Variants in PDK3 observed in about 807,000 individuals in gnomAD.
PDK3 encodes the protein pyruvate dehydrogenase kinase 3.
A neutral mutation model predicts 32.0 loss-of-function variants in PDK3; 12 were observed. The ratio of observed to expected loss-of-function variants is 0.37; its 90% confidence interval spans 0.24 to 0.61. The LOEUF (loss-of-function observed/expected upper bound fraction) is 0.61. Ranked by LOEUF, PDK3 falls within the 20% of genes least tolerant of loss-of-function variation. The pLI, the probability that PDK3 is intolerant of heterozygous loss-of-function variation, is 0.65. For missense variants in PDK3, 188 were observed against 316.9 expected, an observed-to-expected ratio of 0.59 and a Z score of 3.09; for synonymous variants, 122 against 116.3, an observed-to-expected ratio of 1.05 and a Z score of -0.31.
Position 24,527,588 on chromosome X carries a change from G to T in PDK3, c.765G>T (p.Ala255=), listed in dbSNP as rs1277836754. The T allele has an allele frequency of 1.0e-5, 12 of 1,162,196 alleles. No homozygotes were observed. The East Asian group carries it at 3.6e-4, about 35-fold the overall frequency. Residue 255 remains alanine, a synonymous_variant, in exon 8 of 11, where the codon GCG becomes GCT. Coordinates refer to ENST00000379162, the MANE Select transcript of PDK3 (RefSeq NM_005391.5). ...LFELFKNSMR[A]TVELYEDRKE... is the part of the protein sequence containing the mutation. Reference sequence around the variant, plus strand: ...TATTATTTTAGAACTCAATGAGAGCGACAGTTGAACTCTATGAAGACAGAA... The same window carrying T: ...TATTATTTTAGAACTCAATGAGAGCTACAGTTGAACTCTATGAAGACAGAA...
At chrX:24,469,414 A>G (rs988131339) in intron 1 of PDK3, among the ~76,000 whole-genome samples, 21 of 111,018 alleles carry the variant, frequency 1.9e-4, no homozygotes, top group African/African-American at 6.6e-4. Flanking sequence ...GATAGGTAAA[A>G]AAAAAATGAT....
chrX:24,477,838 G>A (rs188788749), intron 1 of PDK3, among the ~76,000 whole-genome samples: 2 of 111,554 alleles, frequency 1.8e-5, no homozygotes, highest in East Asian at 2.8e-4. Flanking sequence ...TATCTTGGCC[G>A]TTTCTCTTTG....
At chrX:24,474,378 G>GTTTAT (rs1048484920) in intron 1 of PDK3, among the ~76,000 whole-genome samples, 1 of 96,079 alleles carries the variant, frequency 1.0e-5, no homozygotes, top group Non-Finnish European at 2.1e-5. Context: ...AGTTATATAA[G>GTTTAT]TTTATTTTAT....
chrX:24,542,685 G>A lies in PDK3; in HGVS notation c.*3521G>A, dbSNP rs146467322. The stretch of plus-strand genomic sequence containing the variant: ...TGGCAGCTTTTACCAAAAATGACAG[G>A]CAACTTAAAGTGGATAGCTGTAGGT... On this transcript the variant is annotated 3_prime_UTR_variant, in exon 12 of 12. Transcript: ENST00000568479. Among the ~76,000 whole-genome samples the A allele has an allele frequency of 6.9e-3, 771 of 112,411 alleles. 4 individuals carry two copies. The highest frequency in any genetic ancestry group is 0.012 in the Non-Finnish European group (663 of 53,261).
rs756879455 is a variant in PDK3 at position 24,503,480 on chromosome X, C to T, written c.474C>T (p.Arg158=). Residue 158 remains arginine (R), a synonymous_variant, in exon 4 of 11, where the codon CGC becomes CGT. Coordinates refer to ENST00000379162, the MANE Select transcript of PDK3 (RefSeq NM_005391.5). Reference sequence around the variant, plus strand: ...TTCTGGATCGGTTTTATACCAACCGCATCTCTTTCCGCATGCTTATTAATC... The same window carrying T: ...TTCTGGATCGGTTTTATACCAACCGTATCTCTTTCCGCATGCTTATTAATC... The part of the protein sequence containing the change: ...QYFLDRFYTN[R]ISFRMLINQH... The T allele has an allele frequency of 5.0e-6, 6 of 1,198,191 alleles. No homozygotes were observed. The highest frequency in any genetic ancestry group is 2.3e-4 in the Middle Eastern group (1 of 4,318).
chrX:24,526,421 A>G, intron 7 of PDK3, 147 bp downstream of exon 7: 1 of 424,851 alleles, frequency 2.4e-6, no homozygotes, highest in Non-Finnish European at 4.1e-6. Flanking sequence ...TGGGTTTTAT[A>G]ATTTGTACAC....
At chrX:24,519,334 A>G (rs929605459) in intron 6 of PDK3, among the ~76,000 whole-genome samples, 1 of 109,544 alleles carries the variant, frequency 9.1e-6, no homozygotes, top group African/African-American at 3.3e-5. Flanking sequence ...TTCACTAATC[A>G]AGGAAGTGCA....
At chrX:24,531,150 C>T (rs1922640393) in intron 9 of PDK3, among the ~76,000 whole-genome samples, 1 of 109,979 alleles carries the variant, frequency 9.1e-6, no homozygotes, top group African/African-American at 3.3e-5. Context: ...ACTGCAACCT[C>T]CACCTCCTGG....
At position 24,490,483 on chromosome X, in the gene PDK3, C is replaced by G. The variant is rs142349348; in HGVS notation, c.107-4259C>G. ...CTTTGTCATCAACGCCCCGCAGGAC[C>G]ATAAGCTTTTCTCTGAATCCTGAAC... is the stretch of plus-strand genomic sequence containing the variant. On this transcript the variant is annotated intron_variant, in intron 1 of 10. Coordinates refer to ENST00000379162, the MANE Select transcript of PDK3 (RefSeq NM_005391.5). Among the ~76,000 whole-genome samples the G allele has an allele frequency of 2.2e-3, 245 of 111,655 alleles. 2 individuals are homozygous for G. The highest frequency in any genetic ancestry group is 7.6e-3 in the African/African-American group (234 of 30,680).
At chrX:24,476,808 T>C (rs1393174423) in intron 1 of PDK3, among the ~76,000 whole-genome samples, 2 of 112,392 alleles carry the variant, frequency 1.8e-5, no homozygotes, top group Non-Finnish European at 3.8e-5. Context: ...ATTCATCACA[T>C]ATTGTTTGTG....
intron 1 of PDK3, among the ~76,000 whole-genome samples, chrX:24,492,461 C>T (rs910904094): frequency 1.2e-4 from 13 of 110,438 alleles, no homozygotes; most frequent in Non-Finnish European, 2.5e-4. Flanking sequence ...TTGTGACGGG[C>T]GCCTGTAATC....
At chrX:24,496,513 T>C (rs1921704911) in intron 2 of PDK3, among the ~76,000 whole-genome samples, 1 of 107,379 alleles carries the variant, frequency 9.3e-6, no homozygotes, top group Non-Finnish European at 1.9e-5. Context: ...TAATGTCTTC[T>C]AATATGTAGA....
intron 5 of PDK3, among the ~76,000 whole-genome samples, chrX:24,516,569 G>GGTGAAAGAAGCCAGTCACA (rs1431048879): frequency 9.0e-6 from 1 of 111,628 alleles, no homozygotes; most frequent in Non-Finnish European, 1.9e-5. Flanking sequence ...AAAACATGCT[G>GGTGAAAGAAGCCAGTCACA]GTGAAAGAAG....
chrX:24,477,814 G>C (rs1989981), intron 1 of PDK3, among the ~76,000 whole-genome samples: 41,990 of 110,330 alleles, frequency 0.38, 6,031 homozygotes, highest in African/African-American at 0.52. Context: ...CTTGAAACTT[G>C]GCTGTTTCTC....
In PDK3 at chrX:24,540,260, G is replaced by T. The variant is rs149920102; in HGVS notation, c.*1096G>T. Among the ~76,000 whole-genome samples, 975 of 111,977 alleles carry T rather than the reference G, an allele frequency of 8.7e-3. 12 individuals are homozygous for T. The highest frequency in any genetic ancestry group is 0.03 in the African/African-American group (927 of 30,858). ...TTTACCCTTAGGAATAGAAGTGACCGAAGAATCCGGATTGAAACCAGCATC... is the reference window on the plus strand; with the variant it reads ...TTTACCCTTAGGAATAGAAGTGACCTAAGAATCCGGATTGAAACCAGCATC... On this transcript the variant is annotated 3_prime_UTR_variant, in exon 12 of 12. Transcript: ENST00000568479.
rs751137243 is a variant in PDK3, at chrX:24,527,531, G to C, written c.751-43G>C. ...TCTTTCTCTTTAAAAATTGTGGTTTGTGATTCGGCAGTATGATTAATAAAA... is the reference window on the plus strand; with the variant it reads ...TCTTTCTCTTTAAAAATTGTGGTTTCTGATTCGGCAGTATGATTAATAAAA... On this transcript the variant is annotated intron_variant, in intron 7 of 10. Transcript: ENST00000379162. 5 of 809,972 alleles carry C rather than the reference G, an allele frequency of 6.2e-6. No homozygotes were observed. In the Admixed American group the frequency reaches 1.8e-4, roughly 29 times the overall value. The allele number at this position is 809,972 out of a possible 1,213,427, so 66.8% of individuals were successfully genotyped here. A position where few individuals can be genotyped will look rare whatever the true frequency, so the allele number is the denominator to read the frequency against.
chrX:24,505,485 A>C (rs1201323123), intron 5 of PDK3, among the ~76,000 whole-genome samples, 187 bp downstream of exon 5: 1 of 111,918 alleles, frequency 8.9e-6, no homozygotes, highest in African/African-American at 3.2e-5. Flanking sequence ...CTTTCTAGGC[A>C]GTTCAGCATA....
At chrX:24,537,660 A>T (rs1433277088), downstream of PDK3, among the ~76,000 whole-genome samples, 1 of 111,682 alleles carries the variant, frequency 9.0e-6, no homozygotes, top group Non-Finnish European at 1.9e-5. Flanking sequence ...GAAAACCTTG[A>T]TTTTTAACAT....
At chrX:24,479,789 A>C (rs3788919) in intron 1 of PDK3, among the ~76,000 whole-genome samples, 3,427 of 110,550 alleles carry the variant, frequency 0.031, 81 homozygotes, top group South Asian at 0.18. Context: ...CGTCTCAAAA[A>C]AAACAAACAA....
Sources: allele counts gnomAD v4.1 joint callset (sites outside exome capture counted in the v4.1 genomes callset), GRCh38; gene constraint gnomAD v4.1.1; transcripts MANE v1.5; gene names NCBI Gene and HGNC (gene_info 2026-07-23, HGNC 2026-07-21).